Variants in PCDHGB1 observed in about 807,000 individuals in gnomAD.
The protein encoded by PCDHGB1 is protocadherin gamma-B1.
Under a neutral mutation model 56.6 loss-of-function variants are expected in PCDHGB1, and 34 were observed. The observed-to-expected ratio is 0.60, with a 90% CI of 0.46 to 0.80. PCDHGB1 has a LOEUF of 0.80. PCDHGB1 is among the 30% of genes least tolerant of loss of function. PCDHGB1 has a pLI of 0.00. For missense variants in PCDHGB1, 1,278 were observed against 1,204.6 expected (o/e 1.06, Z -0.90); for synonymous variants, 561 against 505.9 (o/e 1.11, Z -1.46).
At chr5:141,462,235 C>T (rs1389326284) in intron 1 of PCDHGB1, among the ~76,000 whole-genome samples, 1 of 152,206 alleles carries the variant, frequency 6.6e-6, no homozygotes, top group African/African-American at 2.4e-5. Flanking sequence ...GCAGGGATTA[C>T]AGGTATGAGC....
Position 141,490,121 on chromosome 5 carries a change from G to A in PCDHGB1, c.2410-4686G>A. On this transcript the variant is annotated intron_variant, in intron 1 of 3. Coordinates refer to ENST00000523390, the MANE Select transcript of PCDHGB1 (RefSeq NM_018922.3). The surrounding 1 kb of genome is among the most constrained non-coding windows in gnomAD (Gnocchi z 5.4). Reference sequence around the variant, plus strand: ...TCTGAGGCAGTGCGGAACCTCTTTGGCCTAGACCCTAGCAGTGGGGCAATC... The same window carrying A: ...TCTGAGGCAGTGCGGAACCTCTTTGACCTAGACCCTAGCAGTGGGGCAATC... 1 of 1,614,256 alleles carries A rather than the reference G, an allele frequency of 6.2e-7. No individual in the cohort carries two copies. Among genetic ancestry groups the A allele is most frequent in the Non-Finnish European group, 8.5e-7 (1 of 1,180,052 alleles).
chr5:141,475,749 A>G (rs1039777629), intron 1 of PCDHGB1, among the ~76,000 whole-genome samples: 13 of 152,278 alleles, frequency 8.5e-5, no homozygotes, highest in Admixed American at 6.5e-5. Context: ...TAGGTTTCCT[A>G]TGCACCGATA....
At chr5:141,433,694 G>T (rs539494151) in intron 1 of PCDHGB1, among the ~76,000 whole-genome samples, 1 of 152,126 alleles carries the variant, frequency 6.6e-6, no homozygotes, top group South Asian at 2.1e-4. Flanking sequence ...AAAATTAGCC[G>T]GGCGTGGTGG....
chr5:141,405,320 C>G, intron 1 of PCDHGB1: 1 of 1,614,188 alleles, frequency 6.2e-7, no homozygotes, highest in Non-Finnish European at 8.5e-7. Context: ...GAAAAATGAG[C>G]CTTTGTGCGT....
Position 141,477,286 on chromosome 5 carries a change from A to G in PCDHGB1, c.2410-17521A>G, listed in dbSNP as rs1367207950. 1.9e-6 allele frequency: 3 copies of G among 1,614,194 alleles called. No individual in the cohort carries two copies. Among genetic ancestry groups the G allele is most frequent in the Non-Finnish European group, 8.5e-7 (1 of 1,180,034 alleles). ...GCGAGAACGGGCTGGTGACCTGCGA[A>G]GTTCCACCGGGTCTCCCTTTCAGCC... On this transcript the variant is annotated intron_variant, in intron 1 of 3. Coordinates refer to ENST00000523390, the MANE Select transcript of PCDHGB1 (RefSeq NM_018922.3). The surrounding 1 kb of genome is among the most constrained non-coding windows in gnomAD (Gnocchi z 4.9).
At chr5:141,384,582 G>A (rs542176226) in intron 1 of PCDHGB1, 5 of 1,614,230 alleles carry the variant, frequency 3.1e-6, no homozygotes, top group Non-Finnish European at 4.2e-6. Context: ...ACCCGCCCGA[G>A]ATCCTGTACC....
At chr5:141,428,489 T>C (rs2097142285) in intron 1 of PCDHGB1, 1 of 312,516 alleles carries the variant, frequency 3.2e-6, no homozygotes. Context: ...TCCTGCAATC[T>C]GTATGTTCCC....
chr5:141,410,561 G>T (rs201832666), intron 1 of PCDHGB1: 171 of 1,612,580 alleles, frequency 1.1e-4, no homozygotes, highest in Admixed American at 2.7e-4. Context: ...TTCTCCTGGA[G>T]CCTTAATTCC....
At position 141,350,960 on chromosome 5, in the gene PCDHGB1, G is replaced by A. The variant is rs749442250; in HGVS notation, c.700G>A (p.Asp234Asn). The A allele has an allele frequency of 3.0e-5, 49 of 1,613,968 alleles. 1 individual carries two copies. Among genetic ancestry groups the A allele is most frequent in the Non-Finnish European group, 3.5e-5 (41 of 1,179,920 alleles). ...HIWIRVTDAN[D>N]NAPVFSQEVY... is the part of the protein sequence containing the mutation. ...CTGGATCCGAGTTACGGATGCCAAT[G>A]ATAATGCTCCCGTGTTTAGCCAGGA... The change falls in exon 1 of 4, where the codon GAT becomes AAT. Residue 234 changes from aspartate to asparagine, a missense_variant. Coordinates refer to ENST00000523390, the MANE Select transcript of PCDHGB1 (RefSeq NM_018922.3).
chr5:141,491,014 G>A lies in PCDHGB1; in HGVS notation c.2410-3793G>A, dbSNP rs761902295. On this transcript the variant is annotated intron_variant, in intron 1 of 3. Transcript: ENST00000523390. This position sits in a 1 kb window ranked among gnomAD's most constrained non-coding sequence, Gnocchi z 6.9. ...TCCTCCTGGCTCCTTGGTCACCAAG[G>A]TGACAGCCGTGGATGCTGATGCAGG... 6 of 1,614,134 alleles carry A rather than the reference G, an allele frequency of 3.7e-6. No individual in the cohort carries two copies. Among genetic ancestry groups the A allele is most frequent in the Non-Finnish European group, 4.2e-6 (5 of 1,180,044 alleles).
At chr5:141,406,198 C>T (rs1363174713) in intron 1 of PCDHGB1, among the ~76,000 whole-genome samples, 1 of 151,806 alleles carries the variant, frequency 6.6e-6, no homozygotes, top group African/African-American at 2.4e-5. Context: ...TCAGCCTTCA[C>T]AGTAGCTAGG....
intron 1 of PCDHGB1, chr5:141,408,803 G>T: frequency 6.2e-7 from 1 of 1,613,150 alleles, no homozygotes; most frequent in South Asian, 1.1e-5. Flanking sequence ...GAAACTCCTA[G>T]ACCGGGAAGA....
rs1379095967 is a variant in PCDHGB1 at position 141,422,752 on chromosome 5, A to C, written c.2409+70083A>C. The C allele has an allele frequency of 6.2e-7, 1 of 1,612,064 alleles. No homozygotes were observed. The highest frequency in any genetic ancestry group is 1.3e-5 in the African/African-American group (1 of 74,892). On this transcript the variant is annotated intron_variant, in intron 1 of 3. Transcript: ENST00000523390. The stretch of plus-strand genomic sequence containing the variant: ...GCCTCTGTCCTCCTATGTCTCTATT[A>C]ACTCCAACACTGGTGTTCTCTATGC...
At chr5:141,405,672 G>C (rs755545370) in intron 1 of PCDHGB1, among the ~76,000 whole-genome samples, 3 of 152,024 alleles carry the variant, frequency 2.0e-5, no homozygotes, top group Non-Finnish European at 4.4e-5. Flanking sequence ...GAGACGGGGT[G>C]TCACCATGTT....
At chr5:141,388,611 A>T (rs773007125) in intron 1 of PCDHGB1, 13 of 1,613,850 alleles carry the variant, frequency 8.1e-6, no homozygotes, top group Non-Finnish European at 6.8e-6. Context: ...TCCAGTGTTC[A>T]GTCAAGACGT....
rs542553570 is a variant in PCDHGB1 at position 141,372,192 on chromosome 5, T to C, written c.2409+19523T>C. On this transcript the variant is annotated intron_variant, in intron 1 of 3. Coordinates refer to ENST00000523390, the MANE Select transcript of PCDHGB1 (RefSeq NM_018922.3). The stretch of plus-strand genomic sequence containing the variant: ...GGTGGCGGTGGACGCAGACTCGGGA[T>C]ACAACGCCTGGCTGTCCTACCACAT... 6.2e-6 allele frequency: 10 copies of C among 1,613,546 alleles called. No homozygotes were observed. Among genetic ancestry groups the C allele is most frequent in the Middle Eastern group, 1.7e-4 (1 of 6,028 alleles).
At chr5:141,362,873 A>G (rs1482910489) in intron 1 of PCDHGB1, among the ~76,000 whole-genome samples, 3 of 152,176 alleles carry the variant, frequency 2.0e-5, no homozygotes, top group Non-Finnish European at 4.4e-5. Context: ...GCTCTTTGTT[A>G]TTCAAATTTT....
In PCDHGB1 at chr5:141,494,849, A is replaced by C; in HGVS notation, c.2452A>C (p.Arg818=). ...NTDWRFSQAQ[R]PGTSGSQNGD... ...GGACTGGCGTTTCTCTCAGGCCCAG[A>C]GACCCGGCACCAGCGGGTAGGTGAC... Residue 818 remains arginine, a synonymous_variant, in exon 2 of 4, where the codon AGA becomes CGA. Transcript: ENST00000523390. 1 of 1,614,102 alleles carries C rather than the reference A, an allele frequency of 6.2e-7. No individual in the cohort carries two copies. Among genetic ancestry groups the C allele is most frequent in the Non-Finnish European group, 8.5e-7 (1 of 1,180,014 alleles).
chr5:141,410,885 G>A (rs970749503), intron 1 of PCDHGB1: 7 of 287,302 alleles, frequency 2.4e-5, no homozygotes, highest in African/African-American at 1.6e-4. Context: ...ATGGAGTCTC[G>A]CACTGTTGCC....
Sources: gnomAD v4.1 joint callset for allele counts (sites outside exome capture counted in the v4.1 genomes callset) on GRCh38, gnomAD v4.1.1 for gene constraint, Gnocchi (gnomAD v3.1) non-coding constraint, MANE v1.5 for transcripts, NCBI Gene and HGNC (gene_info 2026-07-23, HGNC 2026-07-21) for gene names.